The following CNBD1 variants were observed in gnomAD, a reference collection of about 807,000 sequenced individuals.
CNBD1 encodes the protein cyclic nucleotide-binding domain-containing protein 1.
A neutral mutation model predicts 54.4 loss-of-function variants in CNBD1; 71 were observed. The observed-to-expected ratio is 1.30, with a 90% CI of 1.08 to 1.59. The LOEUF is 1.59. Ranked by LOEUF, CNBD1 falls within the 40% of genes most tolerant of loss-of-function variation. CNBD1 has a pLI of 0.00. For missense variants in CNBD1, 659 were observed against 518.0 expected (o/e 1.27, Z -2.64); for synonymous variants, 182 against 170.7 (o/e 1.07, Z -0.51).
chr8:86,942,313 C>G (rs1807339979), intron 4 of CNBD1, among the ~76,000 whole-genome samples: 1 of 152,148 alleles, frequency 6.6e-6, no homozygotes, highest in Admixed American at 6.5e-5. Context: ...TTAACATAAA[C>G]TTAGTGGCTT....
chr8:87,277,291 C>G (rs1225926840), intron 6 of CNBD1, among the ~76,000 whole-genome samples: 1 of 151,604 alleles, frequency 6.6e-6, no homozygotes, highest in Non-Finnish European at 1.5e-5. Flanking sequence ...GGAAGGTCAG[C>G]CTTTTATGCT....
intron 3 of CNBD1, among the ~76,000 whole-genome samples, chr8:86,938,233 T>C (rs1809585916): frequency 6.6e-6 from 1 of 152,188 alleles, no homozygotes; most frequent in South Asian, 2.1e-4. Flanking sequence ...GCCTAGACTT[T>C]TTTGCCCATA....
intron 2 of CNBD1, among the ~76,000 whole-genome samples, chr8:87,398,045 C>T (rs1811440492): frequency 6.6e-6 from 1 of 151,698 alleles, no homozygotes; most frequent in African/African-American, 2.4e-5. Flanking sequence ...TGCTCAGTCT[C>T]GGGTATATCT....
In CNBD1 at chr8:86,977,395, T is replaced by C. The variant is rs148588266; in HGVS notation, c.431+37641T>C. Among the ~76,000 whole-genome samples, 954 of 152,254 alleles carry C rather than the reference T, an allele frequency of 6.3e-3. 2 individuals are homozygous for C. Among genetic ancestry groups the C allele is most frequent in the Non-Finnish European group, 9.8e-3 (667 of 67,956 alleles). On this transcript the variant is annotated intron_variant, in intron 4 of 10. Transcript: ENST00000518476. ...TCCTGTTTTCACTCTTTATTCTTTT[T>C]CTCTTCTTTGCTCCTCAGATTGGAA...
At chr8:87,132,064 TG>T (rs1333741024) in intron 4 of CNBD1, among the ~76,000 whole-genome samples, 1 of 152,000 alleles carries the variant, frequency 6.6e-6, no homozygotes, top group Non-Finnish European at 1.5e-5. Context: ...CTCTATTTTT[TG>T]TTTGCCTTAT....
intron 5 of CNBD1, among the ~76,000 whole-genome samples, chr8:87,215,907 C>T (rs1814199454): frequency 1.3e-5 from 2 of 152,142 alleles, no homozygotes; most frequent in Non-Finnish European, 2.9e-5. Flanking sequence ...TCCCCTAAAC[C>T]CTGGTAGCCA....
chr8:87,339,682 A>G (rs1810025652), intron 8 of CNBD1, among the ~76,000 whole-genome samples: 1 of 151,942 alleles, frequency 6.6e-6, no homozygotes, highest in African/African-American at 2.4e-5. Flanking sequence ...TTTTTAATAT[A>G]TATTTCCTTT....
At chr8:87,373,576 G>A (rs760904832) in intron 10 of CNBD1, among the ~76,000 whole-genome samples, 2 of 151,782 alleles carry the variant, frequency 1.3e-5, no homozygotes, top group Admixed American at 6.6e-5. Context: ...GGTATGTAAA[G>A]TTGTAGGTTG....
At chr8:86,899,663 ATGT>A (rs1233958723) in intron 2 of CNBD1, among the ~76,000 whole-genome samples, 3 of 152,166 alleles carry the variant, frequency 2.0e-5, no homozygotes, top group Non-Finnish European at 4.4e-5. Flanking sequence ...TATAAATCTG[ATGT>A]TGTTGCTGCT....
At position 87,236,906 on chromosome 8, in the gene CNBD1, T is replaced by C. The variant is rs1438558437; in HGVS notation, c.578-13T>C. The C allele has an allele frequency of 6.3e-7, 1 of 1,575,294 alleles. No homozygotes were observed. The highest frequency in any genetic ancestry group is 8.6e-7 in the Non-Finnish European group (1 of 1,158,168). On this transcript the variant is annotated splice_polypyrimidine_tract_variant and intron_variant, in intron 5 of 10. Transcript: ENST00000518476. The stretch of plus-strand genomic sequence containing the variant: ...AGCACACAGTATATATTTTTTGGCT[T>C]TGTTTTTTTCAGTGGTTGCAAATGA...
At chr8:87,281,478 A>T (rs924049139) in intron 6 of CNBD1, among the ~76,000 whole-genome samples, 2 of 145,326 alleles carry the variant, frequency 1.4e-5, no homozygotes, top group African/African-American at 5.0e-5. Context: ...TTCATTTTTT[A>T]AAAAACGATT....
At position 87,206,003 on chromosome 8, in the gene CNBD1, A is replaced by G. The variant is rs201273865; in HGVS notation, c.442A>G (p.Arg148Gly). 4.3e-5 allele frequency: 66 copies of G among 1,520,554 alleles called. No individual in the cohort carries two copies. In the African/African-American group the frequency reaches 8.9e-4, roughly 21 times the overall value. The allele number at this position is 1,520,554 out of a possible 1,614,324, so 94.2% of individuals were successfully genotyped here. A position where few individuals can be genotyped will look rare whatever the true frequency, so the allele number is the denominator to read the frequency against. Residue 148 changes from arginine to glycine, a missense_variant, in exon 5 of 11, where the codon AGG becomes GGG. Coordinates refer to ENST00000518476, the MANE Select transcript of CNBD1 (RefSeq NM_173538.3). ...TTTTTTTTTTTTGAGGCCCATTCACAGGACGCCATATGAACACAAAACTGT... is the reference window on the plus strand; with the variant it reads ...TTTTTTTTTTTTGAGGCCCATTCACGGGACGCCATATGAACACAAAACTGT... ...LAILKKLPIHRTPYEHKTVWK... is the reference protein window; with the variant it reads ...LAILKKLPIHGTPYEHKTVWK...
chr8:87,227,840 T>G (rs13259815), intron 5 of CNBD1, among the ~76,000 whole-genome samples: 110 of 139,500 alleles, frequency 7.9e-4, no homozygotes, highest in African/African-American at 9.7e-4. Context: ...GAGTGTTTTC[T>G]AACTTGGTTC....
At chr8:87,310,806 A>G (rs1809248712) in intron 8 of CNBD1, among the ~76,000 whole-genome samples, 1 of 152,168 alleles carries the variant, frequency 6.6e-6, no homozygotes, top group Admixed American at 6.6e-5. Context: ...GGAAAAGAAT[A>G]GAGAACCTAG....
At chr8:87,391,265 A>G (rs1179850050) in intron 2 of CNBD1, among the ~76,000 whole-genome samples, 1 of 152,104 alleles carries the variant, frequency 6.6e-6, no homozygotes, top group Non-Finnish European at 1.5e-5. Flanking sequence ...TTCAAATAAA[A>G]AAAAGATAAC....
At chr8:87,099,694 AATAAG>A (rs1461766683) in intron 4 of CNBD1, among the ~76,000 whole-genome samples, 25 of 152,216 alleles carry the variant, frequency 1.6e-4, no homozygotes, top group African/African-American at 5.1e-4. Flanking sequence ...AATTCCCAAT[AATAAG>A]ATAAGAAAGA....
intron 1 of CNBD1, among the ~76,000 whole-genome samples, chr8:86,876,565 T>C (rs1808523939): frequency 6.6e-6 from 1 of 151,782 alleles, no homozygotes; most frequent in African/African-American, 2.4e-5. Context: ...ATTCATTGCT[T>C]TTCTTTGTTT....
chr8:87,374,760 G>A (rs960812644), intron 10 of CNBD1, among the ~76,000 whole-genome samples: 23 of 151,714 alleles, frequency 1.5e-4, no homozygotes, highest in Non-Finnish European at 2.8e-4. Flanking sequence ...GCAGCATCAC[G>A]TGATGATGAG....
At chr8:87,273,473 C>A (rs1208206610) in intron 6 of CNBD1, among the ~76,000 whole-genome samples, 5 of 151,878 alleles carry the variant, frequency 3.3e-5, no homozygotes, top group African/African-American at 9.7e-5. Context: ...TTCAAAATAA[C>A]AACAAACCAA....
Sources: allele counts gnomAD v4.1 joint callset (sites outside exome capture counted in the v4.1 genomes callset), GRCh38; gene constraint gnomAD v4.1.1; transcripts MANE v1.5; gene names NCBI Gene and HGNC (gene_info 2026-07-23, HGNC 2026-07-21).